Variants in PKNOX2 observed in about 807,000 individuals in gnomAD.
PKNOX2 encodes the protein homeobox protein PKNOX2.
In PKNOX2, 14 loss-of-function variants were observed where a neutral mutation model predicts 53.1. The ratio of observed to expected loss-of-function variants is 0.26; its 90% CI spans 0.17 to 0.41. The LOEUF (loss-of-function observed/expected upper bound fraction) is 0.41. Ranked by LOEUF, PKNOX2 falls within the 10% of genes least tolerant of loss-of-function variation. PKNOX2 has a pLI of 1.00. For synonymous variants in PKNOX2, 257 were observed against 242.8 expected, an observed-to-expected ratio of 1.06 and a Z score of -0.54; for missense variants, 496 against 602.8, an observed-to-expected ratio of 0.82 and a Z score of 1.85.
intron 2 of PKNOX2, among the ~76,000 whole-genome samples, chr11:125,286,809 C>G (rs1591513111): frequency 6.6e-6 from 1 of 152,266 alleles, no homozygotes; most frequent in African/African-American, 2.4e-5. Flanking sequence ...GTTTCAGGGC[C>G]TGGCATTGCC....
At chr11:125,421,741 G>A (rs1006513517) in intron 10 of PKNOX2, among the ~76,000 whole-genome samples, 1 of 152,226 alleles carries the variant, frequency 6.6e-6, no homozygotes, top group African/African-American at 2.4e-5. Flanking sequence ...CATTTTTTAT[G>A]TCAGCACACA....
At chr11:125,429,341 G>C (rs1038645574) in intron 11 of PKNOX2, among the ~76,000 whole-genome samples, 1 of 152,172 alleles carries the variant, frequency 6.6e-6, no homozygotes, top group African/African-American at 2.4e-5. Context: ...GCTTCTTGAG[G>C]AAGAGAAAAC....
chr11:125,374,041 T>G (rs567163233), intron 5 of PKNOX2, among the ~76,000 whole-genome samples: 11 of 152,250 alleles, frequency 7.2e-5, no homozygotes, highest in African/African-American at 2.4e-4. Flanking sequence ...GACTGTCCTC[T>G]GTAGCAGCCG....
intron 1 of PKNOX2, among the ~76,000 whole-genome samples, chr11:125,232,089 T>C (rs1000616499): frequency 6.6e-6 from 1 of 152,208 alleles, no homozygotes; most frequent in African/African-American, 2.4e-5. Flanking sequence ...GAACTGCAGA[T>C]TGGCTTCCGC....
chr11:125,173,100 G>A (rs911139690), intron 1 of PKNOX2, among the ~76,000 whole-genome samples: 2 of 152,212 alleles, frequency 1.3e-5, no homozygotes, highest in Admixed American at 6.5e-5. Flanking sequence ...CTGAGCCTCC[G>A]TTTTCTTGGC....
intron 6 of PKNOX2, among the ~76,000 whole-genome samples, chr11:125,393,199 C>T (rs921721640): frequency 6.7e-6 from 1 of 149,400 alleles, no homozygotes; most frequent in South Asian, 2.1e-4. Context: ...GTTAATTGAA[C>T]AACTTGTTCA....
chr11:125,189,867 C>T (rs1229016652), intron 1 of PKNOX2: 1 of 152,072 alleles, frequency 6.6e-6, no homozygotes, highest in African/African-American at 2.4e-5. Context: ...TCCCTGCTTT[C>T]CCTGGATGGT....
At chr11:125,335,072 T>C (rs1184119860) in intron 3 of PKNOX2, among the ~76,000 whole-genome samples, 1 of 152,190 alleles carries the variant, frequency 6.6e-6, no homozygotes, top group Non-Finnish European at 1.5e-5. Context: ...GCCCCTCCCC[T>C]TGAGCCCCAA....
chr11:125,285,264 G>A (rs1298875241), intron 2 of PKNOX2, among the ~76,000 whole-genome samples: 3 of 152,070 alleles, frequency 2.0e-5, no homozygotes, highest in Non-Finnish European at 4.4e-5. Flanking sequence ...CTTTGAAAAG[G>A]GCTCTGGTGC....
intron 1 of PKNOX2, among the ~76,000 whole-genome samples, chr11:125,201,700 T>G (rs1256498680): frequency 6.6e-6 from 1 of 152,154 alleles, no homozygotes; most frequent in Non-Finnish European, 1.5e-5. Context: ...AGCCCCAGAC[T>G]TCACCCCCTC....
chr11:125,325,726 T>G (rs1949786045), intron 2 of PKNOX2, among the ~76,000 whole-genome samples: 1 of 152,202 alleles, frequency 6.6e-6, no homozygotes, highest in Non-Finnish European at 1.5e-5. Flanking sequence ...GGTATTATTG[T>G]AACCATTTTA....
In PKNOX2 at chr11:125,351,418, C is replaced by T. The variant is rs762946442; in HGVS notation, c.87+26C>T. 6 of 1,454,774 alleles carry T rather than the reference C, an allele frequency of 4.1e-6. No homozygotes were observed. The Admixed American group carries it at 5.2e-5, about 13-fold the overall frequency. The allele number at this position is 1,454,774 out of a possible 1,614,324, so 90.1% of individuals were successfully genotyped here. A position where few individuals can be genotyped will look rare whatever the true frequency, so the allele number is the denominator to read the frequency against. ...GTGAGTGCGCAGGGGCCGCTGCCTC[C>T]CACCACGGGGGAGGGAGTGTGGTGG... On this transcript the variant is annotated intron_variant, in intron 4 of 12. Transcript: ENST00000298282.
intron 3 of PKNOX2, among the ~76,000 whole-genome samples, chr11:125,339,391 C>T (rs1445214582): frequency 2.0e-5 from 3 of 152,212 alleles, no homozygotes; most frequent in Non-Finnish European, 4.4e-5. Flanking sequence ...TGCTCCCTAA[C>T]GATGGGGTGC....
At chr11:125,377,763 AAAC>A (rs1952928493) in intron 5 of PKNOX2, among the ~76,000 whole-genome samples, 1 of 152,344 alleles carries the variant, frequency 6.6e-6, no homozygotes, top group South Asian at 2.1e-4. Context: ...CAAACAAACA[AAAC>A]AACAAAACAA....
At chr11:125,402,761 G>T (rs1469323) in intron 7 of PKNOX2, among the ~76,000 whole-genome samples, 1 of 152,204 alleles carries the variant, frequency 6.6e-6, no homozygotes, top group East Asian at 1.9e-4. Context: ...CACATGTGTG[G>T]CTTGAGGTTG....
At chr11:125,299,445 C>T (rs1272615707) in intron 2 of PKNOX2, among the ~76,000 whole-genome samples, 2 of 151,936 alleles carry the variant, frequency 1.3e-5, no homozygotes, top group South Asian at 2.1e-4. Flanking sequence ...TCAGCTGTCT[C>T]GGTGGAGAAA....
At chr11:125,221,756 T>C (rs2135501537) in intron 1 of PKNOX2, among the ~76,000 whole-genome samples, 1 of 152,240 alleles carries the variant, frequency 6.6e-6, no homozygotes, top group Admixed American at 6.5e-5. Context: ...TTTTTTTAAA[T>C]GCACATATAA....
chr11:125,363,780 A>AC (rs1952044753), intron 4 of PKNOX2, among the ~76,000 whole-genome samples: 2 of 152,212 alleles, frequency 1.3e-5, no homozygotes, highest in South Asian at 2.1e-4. Context: ...AAAAGAATGG[A>AC]AGAAAGCTAC....
At chr11:125,376,909 T>C (rs1319571181) in intron 5 of PKNOX2, among the ~76,000 whole-genome samples, 1 of 152,182 alleles carries the variant, frequency 6.6e-6, no homozygotes, top group African/African-American at 2.4e-5. Flanking sequence ...GCAGTCCTTT[T>C]TCGGTTAAAA....
Sources: allele counts gnomAD v4.1 joint callset (sites outside exome capture counted in the v4.1 genomes callset), GRCh38; gene constraint gnomAD v4.1.1; transcripts MANE v1.5; gene names NCBI Gene and HGNC (gene_info 2026-07-23, HGNC 2026-07-21).